The following BRD3 variants were observed in gnomAD, a reference collection of about 807,000 sequenced individuals.
BRD3 encodes the protein bromodomain-containing protein 3.
A neutral mutation model predicts 66.8 loss-of-function variants in BRD3; 17 were observed. The observed-to-expected ratio is 0.25, with a 90% confidence interval of 0.17 to 0.38. BRD3 has a LOEUF of 0.38. Ranked by LOEUF, BRD3 falls within the 10% of genes least tolerant of loss-of-function variation. The pLI, the probability that BRD3 is intolerant of heterozygous loss-of-function variation, is 1.00. For synonymous variants in BRD3, 421 were observed against 393.2 expected, an observed-to-expected ratio of 1.07 and a Z score of -0.84; for missense variants, 713 against 956.1, an observed-to-expected ratio of 0.75 and a Z score of 3.35.
chr9:134,047,089 G>A (rs1030804241), intron 6 of BRD3, among the ~76,000 whole-genome samples: 9 of 152,216 alleles, frequency 5.9e-5, no homozygotes, highest in African/African-American at 1.4e-4. Context: ...AGGCGGCCCC[G>A]CTCGTCACTT....
chr9:134,049,520 G>A (rs979850974), intron 5 of BRD3, among the ~76,000 whole-genome samples: 13 of 152,220 alleles, frequency 8.5e-5, no homozygotes, highest in Non-Finnish European at 1.8e-4. Flanking sequence ...GTGCCGCACA[G>A]GGCGGATAGG....
chr9:134,036,792 A>G (rs997724975), intron 9 of BRD3, among the ~76,000 whole-genome samples: 6 of 151,660 alleles, frequency 4.0e-5, no homozygotes, highest in Admixed American at 1.3e-4. Context: ...GTGGATCACG[A>G]GGTCAGTAGG....
At position 134,031,183 on chromosome 9, in the gene BRD3, G is replaced by A. The variant is rs529701790; in HGVS notation, c.*2407C>T. On this transcript the variant is annotated 3_prime_UTR_variant, in exon 12 of 12. Coordinates refer to ENST00000303407, the MANE Select transcript of BRD3 (RefSeq NM_007371.4). Reference sequence around the variant, plus strand: ...CTTTCTAGATGAAAGGAGCAGAGGCGAGCCGACGCCACCGTCACAGAGAAC... The same window carrying A: ...CTTTCTAGATGAAAGGAGCAGAGGCAAGCCGACGCCACCGTCACAGAGAAC... 4.8e-4 allele frequency: 108 copies of A among 223,952 alleles called. No individual in the cohort carries two copies. Among genetic ancestry groups the A allele is most frequent in the African/African-American group, 1.7e-3 (76 of 44,818 alleles). The allele number at this position is 223,952 out of a possible 1,614,324, so 13.9% of individuals were successfully genotyped here. A position where few individuals can be genotyped will look rare whatever the true frequency, so the allele number is the denominator to read the frequency against.
At chr9:134,053,208 G>A (rs1176369536) in intron 2 of BRD3, 57 bp downstream of exon 2, 2 of 1,577,826 alleles carry the variant, frequency 1.3e-6, no homozygotes, top group Non-Finnish European at 1.7e-6. Context: ...GCAGCAGGAG[G>A]GGGACAGAGG....
Position 134,053,409 on chromosome 9 carries a change from G to A in BRD3, c.69C>T (p.Pro23=), listed in dbSNP as rs149246539. The stretch of plus-strand genomic sequence containing the variant: ...GCTTGCTGGGGTTGGAGACCTCCGG[G>A]GGGGGTGGGTTCACAGGGCCCGGGG... ...PATPGPVNPP[P]PEVSNPSKPG... is the part of the protein sequence containing the mutation. Residue 23 remains proline (P), a synonymous_variant, in exon 2 of 12, where the codon CCC becomes CCT. Transcript: ENST00000303407. 1.0e-4 allele frequency: 167 copies of A among 1,612,278 alleles called. No homozygotes were observed. The highest frequency in any genetic ancestry group is 1.6e-4 in the East Asian group (7 of 44,886).
At chr9:134,042,063 G>C in intron 7 of BRD3, 112 bp from the exon 8 acceptor site, 1 of 1,237,582 alleles carries the variant, frequency 8.1e-7, no homozygotes, top group Non-Finnish European at 1.1e-6. Context: ...CAGCTGTTAC[G>C]AAGGTGGGGC....
chr9:134,048,040 C>T (rs974988775), intron 6 of BRD3, 43 bp downstream of exon 6: 2 of 1,507,276 alleles, frequency 1.3e-6, no homozygotes, highest in Non-Finnish European at 1.8e-6. Context: ...ACGGCAGAGC[C>T]GCAGGACATG....
intron 11 of BRD3, chr9:134,034,433 T>TC (rs1004684883): frequency 7.3e-5 from 33 of 450,722 alleles, no homozygotes; most frequent in African/African-American, 4.3e-4. Context: ...AAGAGCCCTC[T>TC]CCTGGGGGGT....
intron 1 of BRD3, among the ~76,000 whole-genome samples, chr9:134,065,645 G>C (rs1380550063): frequency 6.6e-6 from 1 of 152,074 alleles, no homozygotes; most frequent in Non-Finnish European, 1.5e-5. Context: ...CCCATACCCC[G>C]CCCCGGTACC....
intron 11 of BRD3, 70 bp downstream of exon 11, chr9:134,034,631 T>C: frequency 6.3e-7 from 1 of 1,582,444 alleles, no homozygotes; most frequent in Admixed American, 1.7e-5. Flanking sequence ...GCCTGCTCGA[T>C]GCTCAAACCC....
rs201209600 is a variant in BRD3 at position 134,048,308 on chromosome 9, C to T, written c.861G>A (p.Lys287=). 8.1e-6 allele frequency: 13 copies of T among 1,601,356 alleles called. No homozygotes were observed. The highest frequency in any genetic ancestry group is 1.3e-5 in the African/African-American group (1 of 74,920). The change falls in exon 6 of 12, where the codon AAG becomes AAA. Residue 287 remains lysine, a synonymous_variant. Coordinates refer to ENST00000303407, the MANE Select transcript of BRD3 (RefSeq NM_007371.4). ...CGTCCTCCAGGTCCTTCTTGGGAGG[C>T]TTGATGGGGCGGCCACCACTCTCCC... is the stretch of plus-strand genomic sequence containing the variant. The part of the protein sequence containing the change: ...ARRESGGRPI[K]PPKKDLEDGE...
chr9:134,064,291 G>A (rs571270725), intron 1 of BRD3, among the ~76,000 whole-genome samples: 2 of 152,300 alleles, frequency 1.3e-5, no homozygotes, highest in South Asian at 4.1e-4. Context: ...ACTTTGGGAG[G>A]CTGAGATGGG....
intron 9 of BRD3, among the ~76,000 whole-genome samples, chr9:134,036,845 A>C (rs1829928328): frequency 6.6e-6 from 1 of 151,856 alleles, no homozygotes. Flanking sequence ...CGTCTCTACT[A>C]CTAAAAATAC....
chr9:134,065,885 A>C (rs1013226886), intron 1 of BRD3, among the ~76,000 whole-genome samples: 1 of 152,096 alleles, frequency 6.6e-6, no homozygotes, highest in African/African-American at 2.4e-5. Context: ...GGAAGGTAGC[A>C]CCGGCTGCAG....
Position 134,067,950 on chromosome 9 carries a change from C to A in BRD3, c.-119G>T, listed in dbSNP as rs956896887. 6.8e-6 allele frequency: 1 copy of A among 146,058 alleles called. No homozygotes were observed. The highest frequency in any genetic ancestry group is 1.5e-5 in the Non-Finnish European group (1 of 65,440). The allele number at this position is 146,058 out of a possible 1,614,324, so 9.0% of individuals were successfully genotyped here. On this transcript the variant is annotated 5_prime_UTR_variant, in exon 1 of 12. In the 5' UTR this introduces an upstream ATG that the reference lacks. Coordinates refer to ENST00000303407, the MANE Select transcript of BRD3 (RefSeq NM_007371.4). The stretch of plus-strand genomic sequence containing the variant: ...GAAGCAAGAGAAAGGCGTACTTGGC[C>A]TCGCGGCTCCGGCGGCCGTCCCCTC...
At chr9:134,067,434 G>C (rs1477844846) in intron 1 of BRD3, among the ~76,000 whole-genome samples, 2 of 149,992 alleles carry the variant, frequency 1.3e-5, no homozygotes, top group Non-Finnish European at 3.0e-5. Flanking sequence ...CGGCGGAACA[G>C]GCGCGGGGAA....
rs1300750630 is a variant in BRD3, at chr9:134,032,645, T to A, written c.*945A>T. 1.8e-5 allele frequency: 4 copies of A among 227,250 alleles called. No homozygotes were observed. Among genetic ancestry groups the A allele is most frequent in the Non-Finnish European group, 3.5e-5 (4 of 114,440 alleles). 14.1% of individuals were successfully genotyped at this position (227,250 alleles called of 1,614,324 possible). On this transcript the variant is annotated 3_prime_UTR_variant, in exon 12 of 12. Coordinates refer to ENST00000303407, the MANE Select transcript of BRD3 (RefSeq NM_007371.4). The stretch of plus-strand genomic sequence containing the variant: ...TGCGACTGTGTGAATGCATTTCTTC[T>A]GCGGTTTTTTCTTATTTTCTTTTTT...
In BRD3 at chr9:134,041,909, C is replaced by A. The variant is rs1432152659; in HGVS notation, c.1258G>T (p.Val420Leu). The change falls in exon 8 of 12, where the codon GTG becomes TTG. Residue 420 changes from valine (V) to leucine (L), a missense_variant. By Grantham distance (32) the Val-to-Leu change is conservative. Around this residue, in one of 5 missense-constraint regions of BRD3, gnomAD observed 418 missense variants for 609.3 expected, o/e 0.69. Coordinates refer to ENST00000303407, the MANE Select transcript of BRD3 (RefSeq NM_007371.4). ...GGGGCAGGCAGCGCCGGTGCCTCCA[C>A]GGGCTCATCTGGCATCTTGGCAAAC... ...MRFAKMPDEP[V>L]EAPALPAPAA... The A allele has an allele frequency of 1.9e-6, 3 of 1,606,876 alleles. No homozygotes were observed. The highest frequency in any genetic ancestry group is 8.5e-7 in the Non-Finnish European group (1 of 1,175,976).
At chr9:134,036,693 A>G (rs1473752044) in intron 9 of BRD3, 7 of 986,260 alleles carry the variant, frequency 7.1e-6, no homozygotes, top group Non-Finnish European at 1.1e-5. Flanking sequence ...AAATCCAATT[A>G]TATCAATAAT....
Sources: gnomAD v4.1 joint callset for allele counts (sites outside exome capture counted in the v4.1 genomes callset) on GRCh38, gnomAD v4.1.1 for gene constraint, gnomAD v4.1.1 regional missense constraint, MANE v1.5 for transcripts, NCBI Gene and HGNC (gene_info 2026-07-23, HGNC 2026-07-21) for gene names.